The following RBPMS2 variants were observed in gnomAD, a reference collection of about 807,000 sequenced individuals.
RBPMS2 encodes RNA-binding protein with multiple splicing 2.
Under a neutral mutation model 25.7 loss-of-function variants are expected in RBPMS2, and 14 were observed. The ratio of observed to expected loss-of-function variants is 0.55; its 90% CI spans 0.36 to 0.85. RBPMS2 has a LOEUF of 0.85. Ranked by LOEUF, RBPMS2 falls within the 40% of genes least tolerant of loss-of-function variation. RBPMS2 has a pLI of 0.01. For missense variants in RBPMS2, 252 were observed against 283.4 expected (o/e 0.89, Z 0.80); for synonymous variants, 127 against 115.6 (o/e 1.10, Z -0.63).
intron 1 of RBPMS2, among the ~76,000 whole-genome samples, chr15:64,752,908 G>A (rs985121686): frequency 5.3e-5 from 8 of 152,142 alleles, no homozygotes; most frequent in African/African-American, 9.6e-5. Flanking sequence ...CACCGTGCCC[G>A]GCTGATGCTG....
At chr15:64,747,898 G>A (rs963336983) in intron 6 of RBPMS2, among the ~76,000 whole-genome samples, 11 of 152,272 alleles carry the variant, frequency 7.2e-5, no homozygotes, top group East Asian at 5.8e-4. Flanking sequence ...CACTCAGGGC[G>A]CTCTAGGTTA....
At chr15:64,754,037 G>A (rs962522579) in intron 1 of RBPMS2, among the ~76,000 whole-genome samples, 7 of 152,174 alleles carry the variant, frequency 4.6e-5, no homozygotes, top group Non-Finnish European at 7.3e-5. Context: ...TCGGCCAGGT[G>A]CAGTGGCTCA....
intron 3 of RBPMS2, among the ~76,000 whole-genome samples, chr15:64,750,130 A>C (rs891452122): frequency 6.6e-6 from 1 of 152,036 alleles, no homozygotes; most frequent in Non-Finnish European, 1.5e-5. Flanking sequence ...ATTCCTAAGA[A>C]ACAGACAGGG....
At chr15:64,756,017 C>T (rs577594514) in intron 1 of RBPMS2, among the ~76,000 whole-genome samples, 8 of 152,156 alleles carry the variant, frequency 5.3e-5, no homozygotes, top group Non-Finnish European at 1.2e-4. Context: ...CTTATAGTTC[C>T]CAGCAGTCTG....
chr15:64,743,854 C>T (rs1380461309), intron 6 of RBPMS2, among the ~76,000 whole-genome samples: 2 of 152,196 alleles, frequency 1.3e-5, no homozygotes, highest in Non-Finnish European at 2.9e-5. Flanking sequence ...CCTGTAATCC[C>T]AGCACTCTAG....
At position 64,741,175 on chromosome 15, in the gene RBPMS2, A is replaced by G. The variant is rs535982932; in HGVS notation, c.*5T>C. On this transcript the variant is annotated splice_region_variant and 3_prime_UTR_variant, in exon 7 of 8. Coordinates refer to ENST00000300069, the MANE Select transcript of RBPMS2 (RefSeq NM_194272.3). ...GGGCCTCTGGGGCCAACACTTACTG[A>G]AAAACTAACAGAACTGACGGTACTT... The G allele has an allele frequency of 3.6e-4, 565 of 1,575,058 alleles. 4 individuals are homozygous for G. The South Asian group carries it at 6.2e-3, about 17-fold the overall frequency.
rs1315538858 is a variant in RBPMS2 at position 64,775,380 on chromosome 15, G to T, written c.-61C>A. On this transcript the variant is annotated 5_prime_UTR_variant, in exon 1 of 8. Transcript: ENST00000300069. ...GGCGAGCGCGGCGCCGGCCCCGCGG[G>T]AAGTGGGAAGGGGCGCGGGGAGCGG... is the stretch of plus-strand genomic sequence containing the variant. 1.5e-4 allele frequency: 158 copies of T among 1,021,764 alleles called. No individual in the cohort carries two copies. The highest frequency in any genetic ancestry group is 1.9e-4 in the Non-Finnish European group (149 of 799,114). 63.3% of individuals were successfully genotyped at this position (1,021,764 alleles called of 1,614,324 possible).
At chr15:64,769,826 C>T (rs890883701) in intron 1 of RBPMS2, among the ~76,000 whole-genome samples, 5 of 152,120 alleles carry the variant, frequency 3.3e-5, no homozygotes, top group African/African-American at 7.2e-5. Context: ...GAAACTAGTC[C>T]GGAGTCAGCC....
intron 6 of RBPMS2, among the ~76,000 whole-genome samples, chr15:64,744,409 T>C (rs2083593745): frequency 6.6e-6 from 1 of 150,988 alleles, no homozygotes; most frequent in African/African-American, 2.4e-5. Context: ...AAATACAAAA[T>C]CAGCTGGGCG....
chr15:64,774,732 A>AGCCGGCCCGCCGGCCG, intron 1 of RBPMS2, among the ~76,000 whole-genome samples: 1 of 147,120 alleles, frequency 6.8e-6, no homozygotes, highest in South Asian at 2.1e-4. Context: ...GGAACCGAGG[A>AGCCGGCCCGCCGGCCG]GCCGGCCGGC....
At chr15:64,753,877 C>T (rs960303753) in intron 1 of RBPMS2, among the ~76,000 whole-genome samples, 3 of 152,094 alleles carry the variant, frequency 2.0e-5, no homozygotes, top group African/African-American at 7.2e-5. Flanking sequence ...TGGGTGAAAC[C>T]GAGCTCCTGA....
rs907646370 is a variant in RBPMS2, at chr15:64,766,692, AT to A, written c.87+8540del. ...AGGCGCCTGCCACCACACCCGGCTA[AT>A]TTTTTTTTTGTATTTTTAGTAGAGA... On this transcript the variant is annotated intron_variant, in intron 1 of 7. Coordinates refer to ENST00000300069, the MANE Select transcript of RBPMS2 (RefSeq NM_194272.3). Among the ~76,000 whole-genome samples, 103 of 148,730 alleles carry A rather than the reference AT, an allele frequency of 6.9e-4. 1 individual carries two copies. The East Asian group carries it at 0.016, about 24-fold the overall frequency.
intron 6 of RBPMS2, among the ~76,000 whole-genome samples, chr15:64,742,789 T>C (rs1401593765): frequency 6.6e-6 from 1 of 152,082 alleles, no homozygotes; most frequent in Non-Finnish European, 1.5e-5. Flanking sequence ...TCCCTTGAGG[T>C]TGGAGCAGGC....
At chr15:64,759,819 C>A (rs1034491678) in intron 1 of RBPMS2, among the ~76,000 whole-genome samples, 3 of 152,116 alleles carry the variant, frequency 2.0e-5, no homozygotes, top group Non-Finnish European at 4.4e-5. Flanking sequence ...ACTACAGGAG[C>A]GCGCCACCAT....
At position 64,751,552 on chromosome 15, in the gene RBPMS2, C is replaced by T. The variant is rs2083681134; in HGVS notation, c.165+9G>A. On this transcript the variant is annotated intron_variant, in intron 2 of 7. Coordinates refer to ENST00000300069, the MANE Select transcript of RBPMS2 (RefSeq NM_194272.3). The stretch of plus-strand genomic sequence containing the variant: ...GCTCTACCCAGGGGGCGGCTGGGTC[C>T]TGACTCACCTTGAACGGCCGGAAGA... 8 of 1,613,390 alleles carry T rather than the reference C, an allele frequency of 5.0e-6. No individual in the cohort carries two copies. Among genetic ancestry groups the T allele is most frequent in the East Asian group, 2.2e-5 (1 of 44,882 alleles).
intron 6 of RBPMS2, among the ~76,000 whole-genome samples, chr15:64,743,795 G>A (rs968132467): frequency 6.6e-6 from 1 of 152,182 alleles, no homozygotes; most frequent in African/African-American, 2.4e-5. Context: ...GCAAGCAACG[G>A]GATGAACCTA....
At chr15:64,745,439 A>T (rs1306734685) in intron 6 of RBPMS2, among the ~76,000 whole-genome samples, 1 of 152,178 alleles carries the variant, frequency 6.6e-6, no homozygotes, top group Non-Finnish European at 1.5e-5. Context: ...TATCATCTCC[A>T]TGATACAGAT....
chr15:64,765,741 C>T (rs532334689), intron 1 of RBPMS2, among the ~76,000 whole-genome samples: 3 of 152,220 alleles, frequency 2.0e-5, no homozygotes, highest in South Asian at 2.1e-4. Context: ...GTCAGGAGTT[C>T]GAGACCACCC....
chr15:64,753,823 G>C (rs2083705920), intron 1 of RBPMS2, among the ~76,000 whole-genome samples: 1 of 152,124 alleles, frequency 6.6e-6, no homozygotes, highest in South Asian at 2.1e-4. Flanking sequence ...ATCCTGCTTT[G>C]TTGTTGGCAG....
Sources: gnomAD v4.1 joint callset for allele counts (sites outside exome capture counted in the v4.1 genomes callset) on GRCh38, gnomAD v4.1.1 for gene constraint, MANE v1.5 for transcripts, NCBI Gene and HGNC (gene_info 2026-07-23, HGNC 2026-07-21) for gene names.